Variants in ITPR2 observed in about 807,000 individuals in gnomAD.
ITPR2 encodes inositol 1,4,5-trisphosphate-gated calcium channel ITPR2.
In ITPR2, 207 loss-of-function variants were observed where a neutral mutation model predicts 317.1. The ratio of observed to expected loss-of-function variants is 0.65; its 90% CI spans 0.58 to 0.73. ITPR2 has a LOEUF of 0.73. ITPR2 is among the 30% of genes least tolerant of loss of function. The probability of loss-of-function intolerance (pLI) is 0.00; values close to 1 mark genes in which losing one functional copy is unlikely to be tolerated. For missense variants in ITPR2, 2,613 were observed against 3,284.0 expected (o/e 0.80, Z 4.99); for synonymous variants, 1,156 against 1,149.1 (o/e 1.01, Z -0.12).
intron 26 of ITPR2, among the ~76,000 whole-genome samples, chr12:26,619,027 G>A (rs1946436096): frequency 6.6e-6 from 1 of 152,138 alleles, no homozygotes; most frequent in African/African-American, 2.4e-5. Flanking sequence ...ACTTCTTACT[G>A]GCAATACTCT....
At chr12:26,463,005 G>A (rs1021182801) in intron 45 of ITPR2, among the ~76,000 whole-genome samples, 3 of 151,958 alleles carry the variant, frequency 2.0e-5, no homozygotes, top group African/African-American at 7.3e-5. Context: ...TGTCTGAGCA[G>A]GAAAAATAAG....
At chr12:26,607,107 A>T (rs1451725930) in intron 26 of ITPR2, among the ~76,000 whole-genome samples, 1 of 152,110 alleles carries the variant, frequency 6.6e-6, no homozygotes, top group Non-Finnish European at 1.5e-5. Context: ...TCCCTATCCC[A>T]CTGAAGTTTA....
In ITPR2 at chr12:26,722,390, T is replaced by C. The variant is rs527548668; in HGVS notation, c.525+7A>G. On this transcript the variant is annotated splice_region_variant and intron_variant, in intron 5 of 56. Coordinates refer to ENST00000381340, the MANE Select transcript of ITPR2 (RefSeq NM_002223.4). ...CACTATTTCCCTCTTAATTGTATAT[T>C]ACATACATTGTCACCCTCGCTTCTC... 1.2e-6 allele frequency: 2 copies of C among 1,608,350 alleles called. No individual in the cohort carries two copies. The highest frequency in any genetic ancestry group is 1.1e-5 in the South Asian group (1 of 89,998).
intron 2 of ITPR2, among the ~76,000 whole-genome samples, chr12:26,780,868 G>A (rs1274883582): frequency 2.0e-5 from 3 of 152,162 alleles, no homozygotes; most frequent in African/African-American, 7.2e-5. Flanking sequence ...CTGCCACCAG[G>A]AGGCACAATT....
chr12:26,645,060 T>C (rs939538956), intron 21 of ITPR2, among the ~76,000 whole-genome samples: 1 of 152,058 alleles, frequency 6.6e-6, no homozygotes, highest in African/African-American at 2.4e-5. Context: ...CTAAACTGCA[T>C]CACAACCCAA....
intron 10 of ITPR2, among the ~76,000 whole-genome samples, chr12:26,694,947 T>G (rs1345280174): frequency 6.6e-6 from 1 of 152,184 alleles, no homozygotes; most frequent in Non-Finnish European, 1.5e-5. Context: ...GGTACATAAA[T>G]TCTGATTGGT....
At chr12:26,535,992 G>A (rs944339775) in intron 37 of ITPR2, among the ~76,000 whole-genome samples, 1 of 152,186 alleles carries the variant, frequency 6.6e-6, no homozygotes, top group African/African-American at 2.4e-5. Context: ...GGCTACAGAC[G>A]ATGAGAAGCA....
chr12:26,448,322 G>T (rs1292136154), intron 45 of ITPR2, among the ~76,000 whole-genome samples: 1 of 151,592 alleles, frequency 6.6e-6, no homozygotes, highest in Admixed American at 6.6e-5. Flanking sequence ...GATAATGAGA[G>T]TCTGAATTTG....
At position 26,434,412 on chromosome 12, in the gene ITPR2, G is replaced by A. The variant is rs118007381; in HGVS notation, c.6769+1809C>T. On this transcript the variant is annotated intron_variant, in intron 48 of 56. Coordinates refer to ENST00000381340, the MANE Select transcript of ITPR2 (RefSeq NM_002223.4). Reference sequence around the variant, plus strand: ...ATTATAACTATTATTGGCCAGGCAAGTATTACAAATACCATGTATTCTGCT... The same window carrying A: ...ATTATAACTATTATTGGCCAGGCAAATATTACAAATACCATGTATTCTGCT... Among the ~76,000 whole-genome samples the A allele has an allele frequency of 2.0e-3, 312 of 152,276 alleles. 6 individuals are homozygous for A. The East Asian group carries it at 0.044, about 22-fold the overall frequency.
chr12:26,745,100 C>T (rs535500697), intron 2 of ITPR2, among the ~76,000 whole-genome samples: 86 of 152,308 alleles, frequency 5.6e-4, no homozygotes, highest in African/African-American at 1.9e-3. Flanking sequence ...AGATTAGCAA[C>T]GGCTTTGCCA....
intron 2 of ITPR2, among the ~76,000 whole-genome samples, chr12:26,728,080 A>G (rs1377066499): frequency 6.6e-6 from 1 of 152,130 alleles, no homozygotes; most frequent in East Asian, 1.9e-4. Flanking sequence ...TAGGCTAAGG[A>G]GGATGGACTA....
chr12:26,595,725 A>C, intron 31 of ITPR2, 135 bp from the exon 32 acceptor site: 1 of 731,482 alleles, frequency 1.4e-6, no homozygotes. Context: ...TCCAGAAAGT[A>C]TTCTCATTTC....
At chr12:26,486,521 A>C (rs1176571560) in intron 40 of ITPR2, among the ~76,000 whole-genome samples, 161 bp from the exon 41 acceptor site, 18 of 152,178 alleles carry the variant, frequency 1.2e-4, no homozygotes, top group Admixed American at 1.2e-3. Context: ...AGCACTTAAA[A>C]ATTAAATTTG....
intron 34 of ITPR2, among the ~76,000 whole-genome samples, chr12:26,570,550 T>G (rs975729670): frequency 2.6e-5 from 4 of 152,226 alleles, no homozygotes; most frequent in Non-Finnish European, 5.9e-5. Context: ...TACAATTTTT[T>G]GGGACAAGTT....
chr12:26,716,335 T>C (rs1948739783), intron 5 of ITPR2, 93 bp from the exon 6 acceptor site: 1 of 728,684 alleles, frequency 1.4e-6, no homozygotes, highest in Admixed American at 2.5e-5. Flanking sequence ...GTCCCCATTA[T>C]TGATCTGACA....
intron 2 of ITPR2, among the ~76,000 whole-genome samples, chr12:26,786,449 T>TAAAAAAAAAAAAAAA (rs59014121): frequency 2.7e-4 from 32 of 119,190 alleles, no homozygotes; most frequent in African/African-American, 1.1e-3. Flanking sequence ...GAATGATCAA[T>TAAAAAAAAAAAAAAA]AAAAAAAAAA....
intron 13 of ITPR2, among the ~76,000 whole-genome samples, chr12:26,673,389 T>C (rs1947834155): frequency 6.6e-6 from 1 of 152,102 alleles, no homozygotes; most frequent in South Asian, 2.1e-4. Flanking sequence ...GCTGGTTCAA[T>C]ATACGCAAAT....
chr12:26,435,511 C>A (rs1941330270), intron 48 of ITPR2, among the ~76,000 whole-genome samples: 1 of 152,058 alleles, frequency 6.6e-6, no homozygotes, highest in Admixed American at 6.6e-5. Context: ...AGATTGTAGC[C>A]CAAGCCTGTA....
At chr12:26,481,986 G>A (rs10161085) in intron 42 of ITPR2, among the ~76,000 whole-genome samples, 2 of 152,060 alleles carry the variant, frequency 1.3e-5, no homozygotes, top group Admixed American at 6.5e-5. Flanking sequence ...AGGAACTTGC[G>A]AGCCAGATTT....
Sources: allele counts gnomAD v4.1 joint callset (sites outside exome capture counted in the v4.1 genomes callset), GRCh38; gene constraint gnomAD v4.1.1; transcripts MANE v1.5; gene names NCBI Gene and HGNC (gene_info 2026-07-23, HGNC 2026-07-21).